PDE1C: variants seen among roughly 807,000 people sequenced by gnomAD.
The protein encoded by PDE1C is phosphodiesterase 1C, also known as dual specificity calcium/calmodulin-dependent 3',5'-cyclic nucleotide phosphodiesterase 1C.
A neutral mutation model predicts 93.1 loss-of-function variants in PDE1C; 62 were observed. That is an observed-to-expected ratio of 0.67 (90% CI 0.54 to 0.82). The LOEUF is 0.82. Ranked by LOEUF, PDE1C falls within the 40% of genes least tolerant of loss-of-function variation. The probability of loss-of-function intolerance (pLI) is 0.00; values close to 1 mark genes in which losing one functional copy is unlikely to be tolerated. For missense variants in PDE1C, 742 were observed against 884.6 expected (o/e 0.84, Z 2.04); for synonymous variants, 325 against 310.1 (o/e 1.05, Z -0.50).
At chr7:32,243,969 A>G (rs908520821) in intron 1 of PDE1C, among the ~76,000 whole-genome samples, 5 of 152,178 alleles carry the variant, frequency 3.3e-5, no homozygotes, top group Non-Finnish European at 7.3e-5. Context: ...TTCCAAGGAG[A>G]CAGATTTTAC....
chr7:31,688,957 A>G, the PDE1C span, among the ~76,000 whole-genome samples: 1 of 152,252 alleles, frequency 6.6e-6, no homozygotes, highest in African/African-American at 2.4e-5. Context: ...TTTGGTAGCA[A>G]AGCCTGACCT....
At chr7:32,220,039 G>A (rs1806727814) in intron 1 of PDE1C, among the ~76,000 whole-genome samples, 1 of 152,056 alleles carries the variant, frequency 6.6e-6, no homozygotes, top group South Asian at 2.1e-4. Context: ...TGTGAGTCAT[G>A]TCTTTTGCCT....
chr7:31,943,191 G>A (rs897071395), intron 2 of PDE1C, among the ~76,000 whole-genome samples: 5 of 152,180 alleles, frequency 3.3e-5, no homozygotes, highest in Admixed American at 2.0e-4. Flanking sequence ...GCATGTGTAA[G>A]AGCTATAAAT....
chr7:32,100,976 T>C (rs1246814348), intron 3 of PDE1C, among the ~76,000 whole-genome samples: 3 of 150,714 alleles, frequency 2.0e-5, no homozygotes, highest in South Asian at 2.1e-4. Context: ...ATCAGACCCA[T>C]TGAATGTTTT....
chr7:32,145,167 TG>T (rs1184142446), intron 3 of PDE1C, among the ~76,000 whole-genome samples: 1 of 152,146 alleles, frequency 6.6e-6, no homozygotes, highest in Non-Finnish European at 1.5e-5. Context: ...TAGGCTGGAT[TG>T]GATGAAAAGA....
intron 3 of PDE1C, among the ~76,000 whole-genome samples, chr7:32,120,804 G>C (rs1799258731): frequency 6.6e-6 from 1 of 152,066 alleles, no homozygotes; most frequent in African/African-American, 2.4e-5. Flanking sequence ...AACCCAAAAG[G>C]CCAGGTGCCT....
At chr7:31,782,762 C>G (rs1057053618) in intron 16 of PDE1C, among the ~76,000 whole-genome samples, 4 of 152,192 alleles carry the variant, frequency 2.6e-5, no homozygotes, top group Admixed American at 2.6e-4. Context: ...GATGCACAAG[C>G]AATACACACT....
intron 13 of PDE1C, 22 bp from the exon 14 acceptor site, chr7:31,823,270 C>T (rs1038639694): frequency 2.5e-6 from 4 of 1,595,452 alleles, no homozygotes; most frequent in South Asian, 2.3e-5. Flanking sequence ...AAAAATCATA[C>T]CAAAGAAGAG....
intron 8 of PDE1C, among the ~76,000 whole-genome samples, chr7:31,849,586 G>C (rs1793069484): frequency 6.6e-6 from 1 of 152,134 alleles, no homozygotes; most frequent in Non-Finnish European, 1.5e-5. Flanking sequence ...CAAGTGTTGA[G>C]TTCATTAAAT....
At chr7:31,825,290 C>T (rs568993946) in intron 12 of PDE1C, among the ~76,000 whole-genome samples, 1 of 152,174 alleles carries the variant, frequency 6.6e-6, no homozygotes, top group Admixed American at 6.5e-5. Flanking sequence ...ACACAACCTG[C>T]CTGAAGTTGT....
intron 1 of PDE1C, among the ~76,000 whole-genome samples, chr7:32,293,422 C>T (rs1027811495): frequency 1.6e-4 from 24 of 152,088 alleles, no homozygotes; most frequent in African/African-American, 5.3e-4. Flanking sequence ...TGCTCTCGGT[C>T]GAAGTGCAAA....
chr7:32,205,467 C>T (rs1805367403), intron 2 of PDE1C, among the ~76,000 whole-genome samples: 1 of 152,152 alleles, frequency 6.6e-6, no homozygotes, highest in African/African-American at 2.4e-5. Context: ...AATCAGCACT[C>T]TGTAAAAACG....
chr7:31,981,975 T>C (rs940263640), intron 2 of PDE1C, among the ~76,000 whole-genome samples: 1 of 152,226 alleles, frequency 6.6e-6, no homozygotes, highest in Non-Finnish European at 1.5e-5. Context: ...ATATATATTT[T>C]TTCAGTGCCT....
chr7:31,811,544 T>C (rs112239206), intron 15 of PDE1C, among the ~76,000 whole-genome samples: 32 of 152,120 alleles, frequency 2.1e-4, no homozygotes, highest in African/African-American at 7.5e-4. Flanking sequence ...CCTATTTTAA[T>C]GAAGCCAGAG....
intron 7 of PDE1C, among the ~76,000 whole-genome samples, chr7:31,853,878 A>ATTTTTTT (rs60293827): frequency 8.0e-6 from 1 of 124,534 alleles, no homozygotes. Context: ...ATGCCCAGCT[A>ATTTTTTT]TTTTTTTTTT....
the PDE1C span, among the ~76,000 whole-genome samples, chr7:31,737,733 G>A: frequency 6.7e-6 from 1 of 150,026 alleles, no homozygotes; most frequent in African/African-American, 2.5e-5. Context: ...CTTAGGAGGC[G>A]GAGGTTGCAG....
At chr7:32,034,876 C>T (rs915889941) in intron 2 of PDE1C, among the ~76,000 whole-genome samples, 4 of 152,112 alleles carry the variant, frequency 2.6e-5, no homozygotes, top group African/African-American at 9.7e-5. Context: ...AATATTATAG[C>T]ACCTATCCCA....
At chr7:32,251,896 G>C (rs1421107365) in intron 1 of PDE1C, among the ~76,000 whole-genome samples, 1 of 152,056 alleles carries the variant, frequency 6.6e-6, no homozygotes, top group African/African-American at 2.4e-5. Flanking sequence ...TCACACTCAG[G>C]TCCAGCCACA....
Position 31,860,396 on chromosome 7 carries a change from C to T in PDE1C, c.750+4546G>A, listed in dbSNP as rs146637992. On this transcript the variant is annotated intron_variant, in intron 7 of 17. Transcript: ENST00000396191. ...GAGGTTGAGAAACCCTGCTCTACAT[C>T]CTAACCAACAGTTAATATTATCACA... Among the ~76,000 whole-genome samples the T allele has an allele frequency of 1.4e-3, 206 of 152,298 alleles. 2 individuals are homozygous for T. Among genetic ancestry groups the T allele is most frequent in the African/African-American group, 4.8e-3 (198 of 41,558 alleles).
Sources: gnomAD v4.1 joint callset for allele counts (sites outside exome capture counted in the v4.1 genomes callset) on GRCh38, gnomAD v4.1.1 for gene constraint, MANE v1.5 for transcripts, NCBI Gene and HGNC (gene_info 2026-07-23, HGNC 2026-07-21) for gene names.